Variants in VSTM2L observed in about 807,000 individuals in gnomAD.
VSTM2L encodes V-set and transmembrane domain containing 2 like, also known as V-set and transmembrane domain-containing protein 2-like protein.
VSTM2L carries 9 observed loss-of-function variants against 19.9 expected under a neutral mutation model. The observed-to-expected ratio is 0.45, with a 90% confidence interval of 0.27 to 0.79. The LOEUF is 0.79. Ranked by LOEUF, VSTM2L falls within the 30% of genes least tolerant of loss-of-function variation. The pLI is 0.15. For synonymous variants in VSTM2L, 127 were observed against 133.8 expected (o/e 0.95, Z 0.35); for missense variants, 286 against 295.5 (o/e 0.97, Z 0.24).
At chr20:37,914,175 CAT>C (rs1315712209) in intron 1 of VSTM2L, among the ~76,000 whole-genome samples, 1 of 148,064 alleles carries the variant, frequency 6.8e-6, no homozygotes, top group Non-Finnish European at 1.5e-5. Flanking sequence ...GGTGTGTGTG[CAT>C]ATGTGTGTAT....
At position 37,944,755 on chromosome 20, in the gene VSTM2L, A is replaced by G; in HGVS notation, c.*502A>G. On this transcript the variant is annotated 3_prime_UTR_variant, in exon 4 of 4. Transcript: ENST00000373461. ...CTCTCCCCTGGTGAAGACCCAGGGA[A>G]CCCAGGAGGGCCCTTCTGGGGCAGT... is the stretch of plus-strand genomic sequence containing the variant. 1 of 986,446 alleles carries G rather than the reference A, an allele frequency of 1.0e-6. No individual in the cohort carries two copies. Among genetic ancestry groups the G allele is most frequent in the Non-Finnish European group, 1.2e-6 (1 of 830,524 alleles). The allele number at this position is 986,446 out of a possible 1,614,324, so 61.1% of individuals were successfully genotyped here.
chr20:37,912,464 G>T (rs1378462684), intron 1 of VSTM2L, among the ~76,000 whole-genome samples: 1 of 152,244 alleles, frequency 6.6e-6, no homozygotes, highest in Non-Finnish European at 1.5e-5. Flanking sequence ...CCTGCCTGGG[G>T]GTTCTGGTGG....
chr20:37,914,935 G>A (rs547837687), intron 1 of VSTM2L, among the ~76,000 whole-genome samples: 1 of 152,312 alleles, frequency 6.6e-6, no homozygotes, highest in Admixed American at 6.5e-5. Context: ...GGTGGGGAAG[G>A]CGGAGAGCTG....
At chr20:37,933,121 C>T (rs764740204) in intron 2 of VSTM2L, among the ~76,000 whole-genome samples, 2 of 152,228 alleles carry the variant, frequency 1.3e-5, no homozygotes, top group African/African-American at 2.4e-5. Context: ...AGGGTTCCCA[C>T]AGCGTCTGCA....
At chr20:37,928,252 G>C (rs76068025) in intron 1 of VSTM2L, among the ~76,000 whole-genome samples, 2,615 of 152,300 alleles carry the variant, frequency 0.017, 34 homozygotes, top group Non-Finnish European at 0.026. Flanking sequence ...CATCCTGGGG[G>C]AGGGACAAGC....
chr20:37,928,459 G>A (rs535438608), intron 1 of VSTM2L, among the ~76,000 whole-genome samples: 7 of 152,314 alleles, frequency 4.6e-5, no homozygotes, highest in Admixed American at 3.3e-4. Flanking sequence ...CATTCAAAAA[G>A]CACTTATTGG....
intron 3 of VSTM2L, among the ~76,000 whole-genome samples, chr20:37,940,011 A>AG (rs2072962769): frequency 2.0e-5 from 3 of 152,040 alleles, no homozygotes; most frequent in Non-Finnish European, 4.4e-5. Flanking sequence ...GGCCCCATCT[A>AG]GGGGATGGGA....
chr20:37,926,379 T>A (rs990686945), intron 1 of VSTM2L, among the ~76,000 whole-genome samples: 1 of 152,008 alleles, frequency 6.6e-6, no homozygotes, highest in African/African-American at 2.4e-5. Context: ...TGAGCCTTTT[T>A]AAGAAATATT....
rs2072994267 is a variant in VSTM2L at position 37,944,271 on chromosome 20, C to T, written c.*18C>T. On this transcript the variant is annotated 3_prime_UTR_variant, in exon 4 of 4. Coordinates refer to ENST00000373461, the MANE Select transcript of VSTM2L (RefSeq NM_080607.3). ...GCCTCTAGACTGATGCCCCTGCCCC[C>T]GCCCATCCGCCCCCACGCTGTACAG... 5.4e-6 allele frequency: 8 copies of T among 1,469,208 alleles called. No homozygotes were observed. Among genetic ancestry groups the T allele is most frequent in the Non-Finnish European group, 7.3e-6 (8 of 1,102,934 alleles). 91.0% of individuals were successfully genotyped at this position (1,469,208 alleles called of 1,614,324 possible). A position where few individuals can be genotyped will look rare whatever the true frequency, so the allele number is the denominator to read the frequency against.
rs2065669132 is a variant in VSTM2L, at chr20:37,945,182, A to T, written c.*929A>T. 1.3e-5 allele frequency: 13 copies of T among 985,166 alleles called. No individual in the cohort carries two copies. The highest frequency in any genetic ancestry group is 1.6e-5 in the Non-Finnish European group (13 of 829,864). 61.0% of individuals were successfully genotyped at this position (985,166 alleles called of 1,614,324 possible). On this transcript the variant is annotated 3_prime_UTR_variant, in exon 4 of 4. Coordinates refer to ENST00000373461, the MANE Select transcript of VSTM2L (RefSeq NM_080607.3). ...CCCCTGGTTATTTGTAAATATTTCT[A>T]TTGGACCCAATTCTCCTCGGAATTG...
At chr20:37,913,795 A>G (rs1021242680) in intron 1 of VSTM2L, among the ~76,000 whole-genome samples, 1 of 152,206 alleles carries the variant, frequency 6.6e-6, no homozygotes, top group African/African-American at 2.4e-5. Context: ...TGTATTTAGA[A>G]AAGCAGGCTG....
chr20:37,943,588 C>G (rs1426940805), intron 3 of VSTM2L, among the ~76,000 whole-genome samples: 1 of 152,088 alleles, frequency 6.6e-6, no homozygotes, highest in African/African-American at 2.4e-5. Context: ...TTTTAAACTT[C>G]CACACCCGGA....
intron 1 of VSTM2L, among the ~76,000 whole-genome samples, chr20:37,915,283 C>T (rs888392814): frequency 3.3e-5 from 5 of 152,298 alleles, no homozygotes; most frequent in Non-Finnish European, 7.4e-5. Context: ...GGGCCCCACC[C>T]GCGCTGCTGC....
At position 37,903,150 on chromosome 20, in the gene VSTM2L, C is replaced by T; in HGVS notation, c.-201C>T. 1.6e-6 allele frequency: 1 copy of T among 606,978 alleles called. No homozygotes were observed. 37.6% of individuals were successfully genotyped at this position (606,978 alleles called of 1,614,324 possible). A position where few individuals can be genotyped will look rare whatever the true frequency, so the allele number is the denominator to read the frequency against. On this transcript the variant is annotated 5_prime_UTR_variant, in exon 1 of 4. Transcript: ENST00000373461. ...CCGCAGTCGGAGGCGGCCGGCTGGG[C>T]GTGCGCTCGCTCCCCGAAGCCGGGG... is the stretch of plus-strand genomic sequence containing the variant.
intron 1 of VSTM2L, among the ~76,000 whole-genome samples, chr20:37,922,572 A>C (rs2072857753): frequency 6.6e-6 from 1 of 152,170 alleles, no homozygotes; most frequent in Non-Finnish European, 1.5e-5. Context: ...CCCTGCCACC[A>C]GTCCCCAAGG....
rs925931910 is a variant in VSTM2L at position 37,944,996 on chromosome 20, G to A, written c.*743G>A. 1 of 985,752 alleles carries A rather than the reference G, an allele frequency of 1.0e-6. No individual in the cohort carries two copies. The highest frequency in any genetic ancestry group is 1.2e-6 in the Non-Finnish European group (1 of 829,954). 61.1% of individuals were successfully genotyped at this position (985,752 alleles called of 1,614,324 possible). A position where few individuals can be genotyped will look rare whatever the true frequency, so the allele number is the denominator to read the frequency against. On this transcript the variant is annotated 3_prime_UTR_variant, in exon 4 of 4. Transcript: ENST00000373461. ...TTGCACCAGCAGGACCCCTTTGAGGGCCTTCAAGGCTCTCCCAGGAGTCCC... is the reference window on the plus strand; with the variant it reads ...TTGCACCAGCAGGACCCCTTTGAGGACCTTCAAGGCTCTCCCAGGAGTCCC...
At chr20:37,928,613 G>A (rs2072891647) in intron 1 of VSTM2L, among the ~76,000 whole-genome samples, 1 of 152,156 alleles carries the variant, frequency 6.6e-6, no homozygotes, top group African/African-American at 2.4e-5. Context: ...AAACTAGTTG[G>A]GCATGGTGGC....
Position 37,944,717 on chromosome 20 carries a change from G to GCAGAACTA in VSTM2L, c.*465_*472dup, listed in dbSNP as rs913851780. 1.0e-6 allele frequency: 1 copy of GCAGAACTA among 988,806 alleles called. No individual in the cohort carries two copies. Among genetic ancestry groups the GCAGAACTA allele is most frequent in the African/African-American group, 1.7e-5 (1 of 57,324 alleles). 61.3% of individuals were successfully genotyped at this position (988,806 alleles called of 1,614,324 possible). ...CTGAATATGGACTTGAATCTTCTGA[G>GCAGAACTA]CAGAACTAGGGCCTCTCCCCTGGTG... On this transcript the variant is annotated 3_prime_UTR_variant, in exon 4 of 4. Coordinates refer to ENST00000373461, the MANE Select transcript of VSTM2L (RefSeq NM_080607.3).
At chr20:37,933,485 A>ACC in intron 2 of VSTM2L, 54 bp from the exon 3 acceptor site, 1 of 824,376 alleles carries the variant, frequency 1.2e-6, no homozygotes, top group Non-Finnish European at 1.7e-6. Flanking sequence ...CCCCACCCCC[A>ACC]CCCTGTGCTA....
Sources: allele counts gnomAD v4.1 joint callset (sites outside exome capture counted in the v4.1 genomes callset), GRCh38; gene constraint gnomAD v4.1.1; transcripts MANE v1.5; gene names NCBI Gene and HGNC (gene_info 2026-07-23, HGNC 2026-07-21).